The following NDRG4 variants were observed in gnomAD, a reference collection of about 807,000 sequenced individuals.
NDRG4 encodes protein NDRG4.
NDRG4 carries 38 observed loss-of-function variants against 55.8 expected under a neutral mutation model. That is an observed-to-expected ratio of 0.68 (90% CI 0.53 to 0.89). The LOEUF is 0.89. Ranked by LOEUF, NDRG4 falls within the 40% of genes least tolerant of loss-of-function variation. NDRG4 has a pLI of 0.00. For missense variants in NDRG4, 455 were observed against 468.6 expected (o/e 0.97, Z 0.27); for synonymous variants, 190 against 182.7 (o/e 1.04, Z -0.32).
chr16:58,487,848 C>A, exon 2 of NDRG4: 1 of 1,536,224 alleles, frequency 6.5e-7, no homozygotes, highest in African/African-American at 1.4e-5. Context: ...CGCCACCGAG[C>A]TGGTGAGTTG....
intron 5 of NDRG4, 126 bp from the exon 6 acceptor site, chr16:58,506,261 G>A (rs541095990): frequency 1.2e-6 from 1 of 848,092 alleles, no homozygotes; most frequent in African/African-American, 1.7e-5. Context: ...CTGGACATGG[G>A]TGTGCATGCA....
intron 1 of NDRG4, among the ~76,000 whole-genome samples, chr16:58,483,497 C>G (rs1299534178): frequency 6.6e-6 from 1 of 152,212 alleles, no homozygotes; most frequent in East Asian, 1.9e-4. Context: ...TCCACACTCC[C>G]CGGTGCTCTT....
At chr16:58,465,195 T>G in intron 1 of NDRG4, 1 of 955,984 alleles carries the variant, frequency 1.0e-6, no homozygotes, top group Non-Finnish European at 1.5e-6. Context: ...CTGGGACTTA[T>G]AGGTGCTCCA....
downstream of NDRG4, among the ~76,000 whole-genome samples, chr16:58,514,346 T>C (rs935405197): frequency 6.6e-6 from 1 of 152,262 alleles, no homozygotes; most frequent in Non-Finnish European, 1.5e-5. Context: ...ATTTTTTCTT[T>C]AGTCAACATA....
At position 58,506,996 on chromosome 16, in the gene NDRG4, T is replaced by C. The variant is rs1283516783; in HGVS notation, c.601T>C (p.Phe201Leu). 2 of 1,613,390 alleles carry C rather than the reference T, an allele frequency of 1.2e-6. No individual in the cohort carries two copies. The highest frequency in any genetic ancestry group is 4.5e-5 in the East Asian group (2 of 44,878). The change falls in exon 8 of 15, where the codon TTC becomes CTC. Residue 201 changes from phenylalanine to leucine, a missense_variant. Coordinates refer to ENST00000570248, the MANE Select transcript of NDRG4 (RefSeq NM_001242835.2). ...GGTGAACCAGGCCAACCTGCAGCTCTTCTGGAACATGTACAACAGGTGCGG... is the reference window on the plus strand; with the variant it reads ...GGTGAACCAGGCCAACCTGCAGCTCCTCTGGAACATGTACAACAGGTGCGG... ...NVVNQANLQL[F>L]WNMYNSRRDL...
chr16:58,477,424 T>G (rs528036729), intron 1 of NDRG4, among the ~76,000 whole-genome samples: 29 of 152,234 alleles, frequency 1.9e-4, no homozygotes, highest in African/African-American at 7.0e-4. Context: ...CAAAAAATAA[T>G]GGGTACATGT....
intron 1 of NDRG4, among the ~76,000 whole-genome samples, chr16:58,485,758 C>T (rs1346274378): frequency 3.3e-5 from 5 of 152,126 alleles, no homozygotes; most frequent in Admixed American, 6.5e-5. Flanking sequence ...CAGCATGGCA[C>T]GTGCACAGGG....
intron 12 of NDRG4, 38 bp from the exon 13 acceptor site, chr16:58,509,263 C>A: frequency 6.2e-7 from 1 of 1,613,952 alleles, no homozygotes. Flanking sequence ...TAATCCTAGG[C>A]AGCCAATGAA....
chr16:58,473,364 A>G (rs996116268), intron 1 of NDRG4, among the ~76,000 whole-genome samples: 3 of 152,002 alleles, frequency 2.0e-5, no homozygotes, highest in South Asian at 2.1e-4. Context: ...GGGTCTCACT[A>G]TGTTGCCCAG....
chr16:58,483,485 T>G (rs1044320176), intron 1 of NDRG4, among the ~76,000 whole-genome samples: 24 of 152,170 alleles, frequency 1.6e-4, no homozygotes, highest in African/African-American at 5.8e-4. Flanking sequence ...CAGGAGCCCA[T>G]TTCCACACTC....
chr16:58,507,042 A>G (rs2038130327), intron 8 of NDRG4, 27 bp downstream of exon 8: 1 of 1,566,238 alleles, frequency 6.4e-7, no homozygotes, highest in East Asian at 2.3e-5. Flanking sequence ...CAGCCCTGGG[A>G]CCCAGCACAC....
intron 2 of NDRG4, among the ~76,000 whole-genome samples, chr16:58,490,461 G>A (rs1056969251): frequency 1.3e-5 from 2 of 152,080 alleles, no homozygotes; most frequent in Admixed American, 1.3e-4. Context: ...GACTCAGTGG[G>A]CACACTCCTG....
At position 58,511,513 on chromosome 16, in the gene NDRG4, C is replaced by CT; in HGVS notation, c.996_997insT (p.Thr333TyrfsTer46). On this transcript the variant is annotated frameshift_variant, in exon 15 of 15. Transcript: ENST00000570248. LOFTEE classifies it high-confidence loss of function. ...TGGATGGCAGCCGCCCACAGGCCTGCACCCACTCAGAGAGCAGCGAGGGGC... is the reference window on the plus strand; with the variant it reads ...TGGATGGCAGCCGCCCACAGGCCTGCTACCCACTCAGAGAGCAGCGAGGGGC... The CT allele has an allele frequency of 6.2e-6, 10 of 1,613,040 alleles. No individual in the cohort carries two copies. The highest frequency in any genetic ancestry group is 8.5e-6 in the Non-Finnish European group (10 of 1,179,968).
At chr16:58,503,606 C>T (rs1229808440) in intron 1 of NDRG4, 192 bp from the exon 2 acceptor site, 1 of 1,099,956 alleles carries the variant, frequency 9.1e-7, no homozygotes, top group Non-Finnish European at 1.3e-6. Flanking sequence ...TGTCTCTGTA[C>T]TGAACAGCCC....
rs2038810112 is a variant in NDRG4 at position 58,511,572 on chromosome 16, G to A, written c.1055G>A (p.Cys352Tyr). Residue 352 changes from cysteine to tyrosine, a missense_variant, in exon 15 of 15, where the codon TGT becomes TAT. Transcript: ENST00000570248. ...GTCAACCACACCATGGAGGTGTCCT[G>A]TTGAAGCCCTTGATCCCGCTGACGA... ...GQVNHTMEVS[C>Y] The A allele has an allele frequency of 2.5e-6, 4 of 1,613,034 alleles. No individual in the cohort carries two copies. Among genetic ancestry groups the A allele is most frequent in the Non-Finnish European group, 3.4e-6 (4 of 1,179,962 alleles).
At chr16:58,488,661 C>T (rs2035417332) in intron 2 of NDRG4, among the ~76,000 whole-genome samples, 1 of 152,130 alleles carries the variant, frequency 6.6e-6, no homozygotes, top group Non-Finnish European at 1.5e-5. Flanking sequence ...CCCAGCCTCC[C>T]ATCACCAGGA....
At position 58,504,756 on chromosome 16, in the gene NDRG4, C is replaced by G; in HGVS notation, c.372+107C>G. ...TCAGCCTTGAGGAAGTGTCCCTGCT[C>G]TCGCTTCTCCTCCTCCCACCTCCTC... On this transcript the variant is annotated intron_variant, in intron 5 of 14. Transcript: ENST00000570248. 2.6e-6 allele frequency: 3 copies of G among 1,157,776 alleles called. No homozygotes were observed. The South Asian group carries it at 3.8e-5, about 15-fold the overall frequency. The allele number at this position is 1,157,776 out of a possible 1,614,324, so 71.7% of individuals were successfully genotyped here.
chr16:58,494,179 G>A (rs930036222), intron 2 of NDRG4, among the ~76,000 whole-genome samples: 6 of 152,202 alleles, frequency 3.9e-5, no homozygotes, highest in African/African-American at 1.2e-4. Flanking sequence ...CGTGGTGCCC[G>A]CGGTCCGGTG....
chr16:58,510,004 GACAT>G (rs1345121302), intron 13 of NDRG4, among the ~76,000 whole-genome samples: 2 of 152,116 alleles, frequency 1.3e-5, no homozygotes, highest in Non-Finnish European at 2.9e-5. Context: ...TTCCCTCCAA[GACAT>G]ACCTGTTCCT....
Sources: gnomAD v4.1 joint callset for allele counts (sites outside exome capture counted in the v4.1 genomes callset) on GRCh38, gnomAD v4.1.1 for gene constraint, MANE v1.5 for transcripts, NCBI Gene and HGNC (gene_info 2026-07-23, HGNC 2026-07-21) for gene names.